Variants in BRWD3 observed in about 807,000 individuals in gnomAD.
The protein encoded by BRWD3 is bromodomain and WD repeat-containing protein 3.
BRWD3 carries 10 observed loss-of-function variants against 149.7 expected under a neutral mutation model. The ratio of observed to expected loss-of-function variants is 0.07; its 90% CI spans 0.04 to 0.11. The LOEUF (loss-of-function observed/expected upper bound fraction) is 0.11. Among genes scored for constraint, BRWD3 ranks in the 10% least tolerant of loss-of-function variants. BRWD3 has a pLI of 1.00. For synonymous variants in BRWD3, 504 were observed against 456.7 expected, an observed-to-expected ratio of 1.10 and a Z score of -1.32; for missense variants, 940 against 1,373.2, an observed-to-expected ratio of 0.68 and a Z score of 4.99.
intron 6 of BRWD3, among the ~76,000 whole-genome samples, chrX:80,768,858 T>C (rs1387637158): frequency 9.3e-6 from 1 of 106,956 alleles, no homozygotes; most frequent in East Asian, 2.9e-4. Context: ...GAGACACACA[T>C]AGGCTCAAAA....
Position 80,676,462 on chromosome X carries a change from G to T in BRWD3, c.*147C>A. On this transcript the variant is annotated 3_prime_UTR_variant, in exon 41 of 41. Transcript: ENST00000373275. ...ATGAAGTGTGGAGATCAAAAGTCTT[G>T]AAACAAATGTATACTGGCATAAATG... 1.3e-6 allele frequency: 1 copy of T among 748,529 alleles called. No individual in the cohort carries two copies. Among genetic ancestry groups the T allele is most frequent in the Non-Finnish European group, 1.9e-6 (1 of 517,928 alleles). 61.7% of individuals were successfully genotyped at this position (748,529 alleles called of 1,213,427 possible). A position where few individuals can be genotyped will look rare whatever the true frequency, so the allele number is the denominator to read the frequency against.
chrX:80,710,495 C>A, intron 20 of BRWD3: 1 of 388,057 alleles, frequency 2.6e-6, no homozygotes. Flanking sequence ...GGTCTGCATG[C>A]CTGAAGAGAG....
In BRWD3 at chrX:80,671,187, T is replaced by C. The variant is rs1318865731; in HGVS notation, c.*5422A>G. The C allele has an allele frequency of 8.9e-6, 1 of 111,976 alleles. No individual in the cohort carries two copies. The highest frequency in any genetic ancestry group is 1.9e-5 in the Non-Finnish European group (1 of 53,233). 9.2% of individuals were successfully genotyped at this position (111,976 alleles called of 1,213,427 possible). On this transcript the variant is annotated 3_prime_UTR_variant, in exon 41 of 41. Coordinates refer to ENST00000373275, the MANE Select transcript of BRWD3 (RefSeq NM_153252.5). Reference sequence around the variant, plus strand: ...TAAATATGTTAGAGATCTATTCATTTTGAAAAGCTCTGCAAAACAAAATGT... The same window carrying C: ...TAAATATGTTAGAGATCTATTCATTCTGAAAAGCTCTGCAAAACAAAATGT...
intron 4 of BRWD3, among the ~76,000 whole-genome samples, chrX:80,796,763 C>T (rs1045432015): frequency 8.9e-6 from 1 of 112,153 alleles, no homozygotes; most frequent in African/African-American, 3.2e-5. Context: ...TAAGTAAATT[C>T]TTTCCATTAA....
chrX:80,754,217 G>A (rs1054616415), intron 6 of BRWD3, among the ~76,000 whole-genome samples: 17 of 111,755 alleles, frequency 1.5e-4, no homozygotes, highest in African/African-American at 5.5e-4. Context: ...TTTCTATGTA[G>A]AGATCTTTCA....
chrX:80,731,184 G>T (rs1417456413), intron 12 of BRWD3, among the ~76,000 whole-genome samples: 1 of 111,118 alleles, frequency 9.0e-6, no homozygotes, highest in African/African-American at 3.3e-5. Flanking sequence ...GCAATATTGG[G>T]ATTATCATTT....
chrX:80,767,618 C>T (rs1569279856), intron 6 of BRWD3, among the ~76,000 whole-genome samples: 1 of 110,907 alleles, frequency 9.0e-6, no homozygotes, highest in Non-Finnish European at 1.9e-5. Flanking sequence ...AGCAGAAAAG[C>T]TGAAAATTCT....
At chrX:80,746,948 A>C in intron 6 of BRWD3, 1 of 424,538 alleles carries the variant, frequency 2.4e-6, no homozygotes, top group South Asian at 1.2e-4. Flanking sequence ...AACAATTAGA[A>C]CACATAAGAG....
chrX:80,713,014 AG>A (rs1406715168), intron 20 of BRWD3, among the ~76,000 whole-genome samples: 1 of 100,521 alleles, frequency 9.9e-6, no homozygotes, highest in Non-Finnish European at 2.0e-5. Context: ...TCCGGGAGGG[AG>A]GTGGGGGGGC....
chrX:80,680,943 G>C (rs948715429), intron 40 of BRWD3, among the ~76,000 whole-genome samples: 7 of 105,189 alleles, frequency 6.7e-5, no homozygotes, highest in African/African-American at 2.1e-4. Flanking sequence ...GAGTAGGTAT[G>C]AGTTGTATGC....
chrX:80,754,263 T>G (rs12012589), intron 6 of BRWD3, among the ~76,000 whole-genome samples: 7,970 of 111,111 alleles, frequency 0.072, 577 homozygotes, highest in African/African-American at 0.22. Context: ...ATTTTGGGGG[T>G]TTTTTTGTAG....
intron 25 of BRWD3, among the ~76,000 whole-genome samples, 180 bp from the exon 26 acceptor site, chrX:80,697,043 T>A (rs1037064808): frequency 4.5e-5 from 5 of 111,596 alleles, no homozygotes; most frequent in Non-Finnish European, 9.4e-5. Flanking sequence ...TGTAGTTTAG[T>A]GCAAGGCTCT....
intron 8 of BRWD3, among the ~76,000 whole-genome samples, chrX:80,740,025 G>A: frequency 8.9e-6 from 1 of 111,810 alleles, no homozygotes; most frequent in Non-Finnish European, 1.9e-5. Context: ...AGATATGATA[G>A]TGAGATCACA....
chrX:80,805,933 C>CA (rs1420517125), intron 4 of BRWD3, among the ~76,000 whole-genome samples: 1 of 110,261 alleles, frequency 9.1e-6, no homozygotes, highest in Non-Finnish European at 1.9e-5. Context: ...GACTCCCTCT[C>CA]AAAAAAAAGA....
intron 6 of BRWD3, among the ~76,000 whole-genome samples, chrX:80,762,758 T>G: frequency 8.9e-6 from 1 of 111,964 alleles, no homozygotes; most frequent in Non-Finnish European, 1.9e-5. Context: ...GGCCAAAGCT[T>G]CTTCCTTATC....
rs1474053428 is a variant in BRWD3 at position 80,747,599 on chromosome X, T to C, written c.431-1870A>G. On this transcript the variant is annotated intron_variant, in intron 6 of 40. Transcript: ENST00000373275. Reference sequence around the variant, plus strand: ...GAACATGGGATATCTTTCCATTTATTTGAATCTTCAATTTCTTTCATCAAT... The same window carrying C: ...GAACATGGGATATCTTTCCATTTATCTGAATCTTCAATTTCTTTCATCAAT... Among the ~76,000 whole-genome samples, 4 of 111,931 alleles carry C rather than the reference T, an allele frequency of 3.6e-5. No individual in the cohort carries two copies. In the East Asian group the frequency reaches 1.1e-3, roughly 32 times the overall value.
intron 6 of BRWD3, among the ~76,000 whole-genome samples, chrX:80,765,421 A>T (rs768598242): frequency 8.9e-6 from 1 of 111,999 alleles, no homozygotes; most frequent in Non-Finnish European, 1.9e-5. Context: ...GCTGGTGATT[A>T]ACAACAATAC....
chrX:80,748,443 G>T (rs73227310), intron 6 of BRWD3, among the ~76,000 whole-genome samples: 9,344 of 111,520 alleles, frequency 0.084, 375 homozygotes, highest in South Asian at 0.19. Context: ...CAATTTTTTG[G>T]AAGAGTTTGA....
chrX:80,696,550 AC>A (rs2072699317), intron 26 of BRWD3, among the ~76,000 whole-genome samples, 188 bp downstream of exon 26: 1 of 109,515 alleles, frequency 9.1e-6, no homozygotes, highest in Non-Finnish European at 1.9e-5. Context: ...ACACACACAC[AC>A]ACACACACAC....
Sources: gnomAD v4.1 joint callset for allele counts (sites outside exome capture counted in the v4.1 genomes callset) on GRCh38, gnomAD v4.1.1 for gene constraint, MANE v1.5 for transcripts, NCBI Gene and HGNC (gene_info 2026-07-23, HGNC 2026-07-21) for gene names.